The following CCDC7 variants were observed in gnomAD, a reference collection of about 807,000 sequenced individuals.
CCDC7 encodes the protein coiled-coil domain containing 7.
In CCDC7, 183 loss-of-function variants were observed where a neutral mutation model predicts 196.9. The ratio of observed to expected loss-of-function variants is 0.93; its 90% confidence interval spans 0.82 to 1.05. The LOEUF is 1.05. CCDC7 is among the 50% of genes least tolerant of loss of function. CCDC7 has a pLI of 0.00. For missense variants in CCDC7, 1,540 were observed against 1,482.2 expected (o/e 1.04, Z -0.64); for synonymous variants, 525 against 484.6 (o/e 1.08, Z -1.10).
exon 20 of CCDC7, chr10:32,635,081 C>T (rs990681333): frequency 4.3e-5 from 17 of 398,608 alleles, no homozygotes; most frequent in Middle Eastern, 6.2e-4. Context: ...CCACAATTGC[C>T]TGAGGACATG....
At chr10:32,492,135 A>G (rs912573746) in intron 9 of CCDC7, 138 bp downstream of exon 10, 29 of 841,804 alleles carry the variant, frequency 3.4e-5, no homozygotes, top group Non-Finnish European at 4.2e-5. Context: ...AAACATAAAG[A>G]AGAAAATAAC....
chr10:32,538,276 A>G (rs892546299), intron 11 of CCDC7, among the ~76,000 whole-genome samples: 1 of 152,036 alleles, frequency 6.6e-6, no homozygotes, highest in African/African-American at 2.4e-5. Context: ...TGTATTCCTG[A>G]TTTGGCTCTT....
chr10:32,511,410 T>A, intron 9 of CCDC7: 1 of 1,609,066 alleles, frequency 6.2e-7, no homozygotes, highest in South Asian at 1.1e-5. Context: ...GCTGCACCTC[T>A]GTCCAGCTTG....
At position 32,453,455 on chromosome 10, in the gene CCDC7, A is replaced by G; in HGVS notation, c.372+19A>G. 1 of 1,439,064 alleles carries G rather than the reference A, an allele frequency of 6.9e-7. No homozygotes were observed. Among genetic ancestry groups the G allele is most frequent in the East Asian group, 2.6e-5 (1 of 38,854 alleles). 89.1% of individuals were successfully genotyped at this position (1,439,064 alleles called of 1,614,324 possible). ...TTTATCTGTAAGTATATGCAACCCT[A>G]ATATAGAGACATTAACACTGAAAAG... On this transcript the variant is annotated intron_variant, in intron 2 of 41. Transcript: ENST00000639629.
At chr10:32,716,036 T>C (rs183961552) in intron 25 of CCDC7, among the ~76,000 whole-genome samples, 1 of 152,074 alleles carries the variant, frequency 6.6e-6, no homozygotes, top group Admixed American at 6.5e-5. Flanking sequence ...ATATTCAAAT[T>C]CAGGAAATAC....
intron 32 of CCDC7, among the ~76,000 whole-genome samples, chr10:32,828,543 GAA>G (rs2091722311): frequency 1.4e-5 from 2 of 147,406 alleles, no homozygotes; most frequent in African/African-American, 5.1e-5. Context: ...AGAAGAAGAA[GAA>G]GAAGAAGAAG....
intron 20 of CCDC7, among the ~76,000 whole-genome samples, chr10:32,658,540 A>G (rs942405467): frequency 2.0e-5 from 3 of 152,344 alleles, no homozygotes; most frequent in Admixed American, 2.0e-4. Context: ...GGTCCCTCCC[A>G]TGACACATGG....
At chr10:32,520,506 T>G (rs2047722403) in intron 11 of CCDC7, among the ~76,000 whole-genome samples, 1 of 152,136 alleles carries the variant, frequency 6.6e-6, no homozygotes, top group Non-Finnish European at 1.5e-5. Context: ...TATTTGCCAT[T>G]TGTATGTCTT....
chr10:32,817,948 G>T (rs567793790), intron 31 of CCDC7, among the ~76,000 whole-genome samples: 9 of 152,202 alleles, frequency 5.9e-5, no homozygotes, highest in African/African-American at 2.2e-4. Flanking sequence ...AAAATAACCA[G>T]CTAACATCAT....
At chr10:32,691,495 T>C (rs553078108) in intron 23 of CCDC7, among the ~76,000 whole-genome samples, 1 of 152,336 alleles carries the variant, frequency 6.6e-6, no homozygotes, top group South Asian at 2.1e-4. Flanking sequence ...ATGCTTTTTC[T>C]ATGCCCAGAA....
downstream of CCDC7, among the ~76,000 whole-genome samples, chr10:32,881,425 A>G (rs1385501659): frequency 6.6e-6 from 1 of 152,180 alleles, no homozygotes; most frequent in Non-Finnish European, 1.5e-5. Flanking sequence ...CCATTGGGCC[A>G]AGGAATAAGT....
chr10:32,541,388 G>T (rs1321671345), intron 11 of CCDC7, among the ~76,000 whole-genome samples: 1 of 149,512 alleles, frequency 6.7e-6, no homozygotes, highest in Non-Finnish European at 1.5e-5. Context: ...GGAGGGGTGG[G>T]TGGGGTCACC....
chr10:32,449,610 G>A (rs1238457405), upstream of CCDC7, among the ~76,000 whole-genome samples: 2 of 152,166 alleles, frequency 1.3e-5, no homozygotes, highest in African/African-American at 2.4e-5. Context: ...TCAAAAGCCA[G>A]TTCTCAGCCT....
At position 32,871,851 on chromosome 10, in the gene CCDC7, A is replaced by G. The variant is rs532101857; in HGVS notation, c.4112-4496A>G. ...ACATCTTTATTTCTGCCTTCATTTCATTATGTACCCAGTAGTCATTCAGGA... is the reference window on the plus strand; with the variant it reads ...ACATCTTTATTTCTGCCTTCATTTCGTTATGTACCCAGTAGTCATTCAGGA... On this transcript the variant is annotated intron_variant, in intron 41 of 41. Coordinates refer to ENST00000639629, the Ensembl canonical transcript of CCDC7. Among the ~76,000 whole-genome samples the G allele has an allele frequency of 1.3e-4, 20 of 151,956 alleles. No homozygotes were observed. The South Asian group carries it at 2.9e-3, about 22-fold the overall frequency.
In CCDC7 at chr10:32,679,726, G is replaced by T. The variant is rs2075578100; in HGVS notation, c.2123-6244G>T. 2.6e-5 allele frequency among the ~76,000 whole-genome samples: 4 copies of T among 152,116 alleles called. No individual in the cohort carries two copies. In the South Asian group the frequency reaches 8.3e-4, roughly 32 times the overall value. ...CAGAGCATCCAGTCCTATTTGGGGG[G>T]TTGCATGTTTGGGATGGTGTCATGA... On this transcript the variant is annotated intron_variant, in intron 21 of 41. Transcript: ENST00000639629.
At chr10:32,626,375 G>A (rs1205269288) in intron 18 of CCDC7, among the ~76,000 whole-genome samples, 1 of 151,886 alleles carries the variant, frequency 6.6e-6, no homozygotes, top group African/African-American at 2.4e-5. Context: ...TTTGAAAAAT[G>A]TACATTCAGT....
At chr10:32,469,614 A>G (rs1472725358) in intron 5 of CCDC7, among the ~76,000 whole-genome samples, 1 of 152,100 alleles carries the variant, frequency 6.6e-6, no homozygotes, top group African/African-American at 2.4e-5. Flanking sequence ...ATGTTGGAAA[A>G]CTTCCCTAAG....
chr10:32,511,268 G>GA, intron 9 of CCDC7: 1 of 529,778 alleles, frequency 1.9e-6, no homozygotes. Context: ...GGGCGGGGGG[G>GA]GCGGGGAAAT....
At chr10:32,687,001 G>A (rs79501297) in intron 22 of CCDC7, among the ~76,000 whole-genome samples, 3 of 152,292 alleles carry the variant, frequency 2.0e-5, no homozygotes, top group Non-Finnish European at 2.9e-5. Flanking sequence ...CTGATCATCT[G>A]TGTGGACAGG....
Sources: gnomAD v4.1 joint callset for allele counts (sites outside exome capture counted in the v4.1 genomes callset) on GRCh38, gnomAD v4.1.1 for gene constraint, MANE v1.5 for transcripts, NCBI Gene and HGNC (gene_info 2026-07-23, HGNC 2026-07-21) for gene names.